The following STXBP5L variants were observed in gnomAD, a reference collection of about 807,000 sequenced individuals.
STXBP5L encodes the protein syntaxin-binding protein 5-like.
STXBP5L carries 65 observed loss-of-function variants against 144.5 expected under a neutral mutation model. The ratio of observed to expected loss-of-function variants is 0.45; its 90% CI spans 0.37 to 0.55. The LOEUF (loss-of-function observed/expected upper bound fraction) is 0.55, where lower values mean the gene tolerates loss of function less well. Ranked by LOEUF, STXBP5L falls within the 20% of genes least tolerant of loss-of-function variation. STXBP5L has a pLI of 0.00. For missense variants in STXBP5L, 1,298 were observed against 1,405.5 expected, an observed-to-expected ratio of 0.92 and a Z score of 1.22; for synonymous variants, 505 against 469.6, an observed-to-expected ratio of 1.08 and a Z score of -0.97.
intron 18 of STXBP5L, among the ~76,000 whole-genome samples, chr3:121,264,733 T>C (rs1443266314): frequency 1.3e-5 from 2 of 151,350 alleles, no homozygotes; most frequent in African/African-American, 4.9e-5. Context: ...AGGAGACCCA[T>C]TGTATGTGCA....
chr3:121,358,849 C>T (rs2045614311), intron 20 of STXBP5L, among the ~76,000 whole-genome samples: 1 of 152,158 alleles, frequency 6.6e-6, no homozygotes, highest in Non-Finnish European at 1.5e-5. Context: ...GAATAGTACT[C>T]CATTGCATAT....
intron 5 of STXBP5L, among the ~76,000 whole-genome samples, chr3:121,076,887 G>A (rs1236599605): frequency 6.6e-6 from 1 of 152,114 alleles, no homozygotes; most frequent in Non-Finnish European, 1.5e-5. Context: ...TATTACAGGA[G>A]GTTTTGATAC....
chr3:121,157,662 G>A (rs1202396699), intron 9 of STXBP5L, 35 bp downstream of exon 9: 2 of 1,573,128 alleles, frequency 1.3e-6, no homozygotes, highest in African/African-American at 2.8e-5. Flanking sequence ...ATAAACACTG[G>A]CAATTCAGTG....
rs142415085 is a variant in STXBP5L at position 121,345,718 on chromosome 3, G to A, written c.2176+27178G>A. On this transcript the variant is annotated intron_variant, in intron 20 of 26. Transcript: ENST00000471454. ...CTGCCATTCTAACTGGCATGAGATG[G>A]TATCTCATTGTGGTATTGATTTGCA... is the stretch of plus-strand genomic sequence containing the variant. Among the ~76,000 whole-genome samples, 5 of 152,092 alleles carry A rather than the reference G, an allele frequency of 3.3e-5. No homozygotes were observed. The East Asian group carries it at 7.7e-4, about 23-fold the overall frequency.
intron 9 of STXBP5L, among the ~76,000 whole-genome samples, chr3:121,175,036 G>A (rs1467519545): frequency 5.3e-5 from 8 of 152,010 alleles, no homozygotes; most frequent in African/African-American, 1.7e-4. Context: ...CACTTTTGAA[G>A]TTTATCCTGC....
Position 121,233,698 on chromosome 3 carries a change from C to T in STXBP5L, c.1184+10C>T. 6.3e-7 allele frequency: 1 copy of T among 1,596,186 alleles called. No homozygotes were observed. The highest frequency in any genetic ancestry group is 8.6e-7 in the Non-Finnish European group (1 of 1,166,786). ...ATCTGACACAAAGCAAGTAAGTTAT[C>T]CATGTACAGATTAACACTTTTAAAC... On this transcript the variant is annotated intron_variant, in intron 12 of 26. Coordinates refer to ENST00000471454, the MANE Select transcript of STXBP5L (RefSeq NM_001308330.2).
chr3:121,228,423 C>T (rs934959623), intron 11 of STXBP5L, among the ~76,000 whole-genome samples: 6 of 152,152 alleles, frequency 3.9e-5, no homozygotes, highest in African/African-American at 1.4e-4. Context: ...TAAAACATTG[C>T]TTTTCTGGAC....
chr3:121,093,825 GTT>G (rs2042961932), intron 5 of STXBP5L, among the ~76,000 whole-genome samples: 1 of 152,146 alleles, frequency 6.6e-6, no homozygotes, highest in Non-Finnish European at 1.5e-5. Context: ...TTTTGAATGT[GTT>G]TGCTCTTTCT....
intron 14 of STXBP5L, among the ~76,000 whole-genome samples, chr3:121,249,675 T>C (rs183542576): frequency 4.6e-5 from 7 of 152,290 alleles, no homozygotes; most frequent in Admixed American, 3.3e-4. Flanking sequence ...GTATGCCTTT[T>C]ATTTCTTTTT....
At chr3:121,232,488 G>T (rs1368497784) in intron 11 of STXBP5L, among the ~76,000 whole-genome samples, 2 of 152,126 alleles carry the variant, frequency 1.3e-5, no homozygotes, top group African/African-American at 2.4e-5. Context: ...AGTCAGCAGG[G>T]CCATGCTGGG....
chr3:121,412,727 C>CAAAAAAAAAAAAAAA (rs35247157), intron 23 of STXBP5L, among the ~76,000 whole-genome samples: 59 of 69,596 alleles, frequency 8.5e-4, no homozygotes, highest in Non-Finnish European at 1.1e-3. Context: ...TTTCTCCCTC[C>CAAAAAAAAAAAAAAA]AAAAAAAAAA....
intron 23 of STXBP5L, among the ~76,000 whole-genome samples, chr3:121,410,802 G>A (rs1302543252): frequency 6.6e-6 from 1 of 152,112 alleles, no homozygotes; most frequent in Non-Finnish European, 1.5e-5. Context: ...ATAGAAGAAA[G>A]TCTTTTTTTC....
intron 2 of STXBP5L, among the ~76,000 whole-genome samples, chr3:120,952,447 G>C (rs111443740): frequency 1.3e-5 from 2 of 151,742 alleles, no homozygotes; most frequent in African/African-American, 4.8e-5. Flanking sequence ...TTATAAATGG[G>C]GTTCTTTATT....
chr3:121,299,348 CT>C (rs1483911899), intron 19 of STXBP5L, among the ~76,000 whole-genome samples: 2 of 152,122 alleles, frequency 1.3e-5, no homozygotes, highest in Non-Finnish European at 2.9e-5. Context: ...TATTCTAAAA[CT>C]GTTTTTTCAG....
At chr3:121,316,375 A>G (rs2043789329) in intron 19 of STXBP5L, among the ~76,000 whole-genome samples, 1 of 152,214 alleles carries the variant, frequency 6.6e-6, no homozygotes, top group African/African-American at 2.4e-5. Context: ...TTTTCCAGAC[A>G]AATGAGCTTA....
At chr3:120,977,138 A>T (rs187497989) in intron 3 of STXBP5L, among the ~76,000 whole-genome samples, 3 of 152,312 alleles carry the variant, frequency 2.0e-5, no homozygotes, top group African/African-American at 4.8e-5. Flanking sequence ...TAATGTTGAC[A>T]GTGGGGTGTT....
chr3:120,916,434 G>A (rs1479136567), intron 2 of STXBP5L, among the ~76,000 whole-genome samples: 1 of 151,940 alleles, frequency 6.6e-6, no homozygotes, highest in Non-Finnish European at 1.5e-5. Context: ...CCAAGTAGCT[G>A]GGATTACAGG....
chr3:121,269,284 A>G (rs1405084632), intron 18 of STXBP5L, among the ~76,000 whole-genome samples: 1 of 152,180 alleles, frequency 6.6e-6, no homozygotes, highest in Non-Finnish European at 1.5e-5. Context: ...TGGCCTTACT[A>G]TTCCATTCAC....
chr3:121,284,930 T>G (rs1301765269), intron 19 of STXBP5L, among the ~76,000 whole-genome samples: 2 of 152,114 alleles, frequency 1.3e-5, no homozygotes, highest in African/African-American at 4.8e-5. Flanking sequence ...AAGGGATTGA[T>G]TCTTTAACCA....
Sources: allele counts gnomAD v4.1 joint callset (sites outside exome capture counted in the v4.1 genomes callset), GRCh38; gene constraint gnomAD v4.1.1; transcripts MANE v1.5; gene names NCBI Gene and HGNC (gene_info 2026-07-23, HGNC 2026-07-21).